The following UTP18 variants were observed in gnomAD, a reference collection of about 807,000 sequenced individuals.
The protein encoded by UTP18 is UTP18 small subunit processome component.
A neutral mutation model predicts 61.1 loss-of-function variants in UTP18; 36 were observed. That is an observed-to-expected ratio of 0.59 (90% CI 0.45 to 0.78). The LOEUF is 0.78. UTP18 is among the 30% of genes least tolerant of loss of function. The pLI is 0.00. For synonymous variants in UTP18, 282 were observed against 251.1 expected (o/e 1.12, Z -1.16); for missense variants, 753 against 693.9 (o/e 1.09, Z -0.96).
At chr17:51,274,168 T>C (rs1168448837) in intron 5 of UTP18, among the ~76,000 whole-genome samples, 3 of 152,190 alleles carry the variant, frequency 2.0e-5, no homozygotes, top group Non-Finnish European at 2.9e-5. Flanking sequence ...CCTTTGCTCT[T>C]TCTCTTTTGT....
In UTP18 at chr17:51,268,007, G is replaced by GTTTT. The variant is rs766635231; in HGVS notation, c.555-827_555-824dup. Among the ~76,000 whole-genome samples, 623 of 130,376 alleles carry GTTTT rather than the reference G, an allele frequency of 4.8e-3. 25 individuals carry two copies. The highest frequency in any genetic ancestry group is 0.017 in the African/African-American group (554 of 32,880). The allele number at this position is 130,376 out of a possible 152,430, so 85.5% of individuals were successfully genotyped here. A position where few individuals can be genotyped will look rare whatever the true frequency, so the allele number is the denominator to read the frequency against. Reference sequence around the variant, plus strand: ...ACCAGTTGTTGTTTTTTTGTTTTTTGTTTTTTGTTTTTTTTTTTTTGAGAT... The same window carrying GTTTT: ...ACCAGTTGTTGTTTTTTTGTTTTTTGTTTTTTTTTTGTTTTTTTTTTTTTGAGAT... On this transcript the variant is annotated intron_variant, in intron 3 of 13. Coordinates refer to ENST00000225298, the MANE Select transcript of UTP18 (RefSeq NM_016001.3).
intron 1 of UTP18, 21 bp from the exon 2 acceptor site, chr17:51,263,253 A>C (rs765472408): frequency 1.2e-6 from 2 of 1,603,338 alleles, no homozygotes; most frequent in East Asian, 4.5e-5. Context: ...TCAGTGCTTG[A>C]GGGTGTTTTG....
At chr17:51,277,335 T>C (rs1289481842) in intron 7 of UTP18, 31 bp downstream of exon 7, 1 of 1,609,034 alleles carries the variant, frequency 6.2e-7, no homozygotes, top group Admixed American at 1.7e-5. Context: ...ACACAACCAG[T>C]CATTCCCCCC....
Position 51,260,788 on chromosome 17 carries a change from A to G in UTP18, c.204A>G (p.Glu68=). 1.3e-6 allele frequency: 2 copies of G among 1,579,678 alleles called. No individual in the cohort carries two copies. The highest frequency in any genetic ancestry group is 8.6e-7 in the Non-Finnish European group (1 of 1,164,240). The change falls in exon 1 of 14, where the codon GAA becomes GAG. Residue 68 remains glutamate, a synonymous_variant. Coordinates refer to ENST00000225298, the MANE Select transcript of UTP18 (RefSeq NM_016001.3). Reference sequence around the variant, plus strand: ...CGATTGCAGTCGCGGCGGCGGAGGAAGAGAGACGGCTCCGGCAGCGGAACC... The same window carrying G: ...CGATTGCAGTCGCGGCGGCGGAGGAGGAGAGACGGCTCCGGCAGCGGAACC... ...AAAIAVAAAE[E]ERRLRQRNRL...
In UTP18 at chr17:51,273,333, G is replaced by C. The variant is rs752616093; in HGVS notation, c.623-29G>C. 4.5e-6 allele frequency: 7 copies of C among 1,566,948 alleles called. No individual in the cohort carries two copies. In the East Asian group the frequency reaches 1.4e-4, roughly 31 times the overall value. On this transcript the variant is annotated intron_variant, in intron 4 of 13. Coordinates refer to ENST00000225298, the MANE Select transcript of UTP18 (RefSeq NM_016001.3). ...AAAGGGGCAGCTCATTGATTCTAAAGATCAGCCTTCTGGGTTTGTTTGACT... is the reference window on the plus strand; with the variant it reads ...AAAGGGGCAGCTCATTGATTCTAAACATCAGCCTTCTGGGTTTGTTTGACT...
intron 5 of UTP18, among the ~76,000 whole-genome samples, chr17:51,275,529 T>A (rs1444216391): frequency 6.6e-6 from 1 of 152,200 alleles, no homozygotes; most frequent in Non-Finnish European, 1.5e-5. Flanking sequence ...GAAAGTCTCT[T>A]AACACAAATG....
At chr17:51,284,887 C>T (rs1341699949) in intron 9 of UTP18, among the ~76,000 whole-genome samples, 3 of 151,818 alleles carry the variant, frequency 2.0e-5, no homozygotes, top group Non-Finnish European at 4.4e-5. Context: ...ATGGTGAAAC[C>T]CTGTCTCTAC....
chr17:51,294,076 A>G (rs915660970), intron 12 of UTP18, 31 bp downstream of exon 12: 4 of 1,531,560 alleles, frequency 2.6e-6, no homozygotes, highest in African/African-American at 1.4e-5. Context: ...AAAGTCAGAG[A>G]TACCTATAAA....
At position 51,277,161 on chromosome 17, in the gene UTP18, G is replaced by A; in HGVS notation, c.869G>A (p.Ser290Asn). ...VDGKTNPKIQSIYLERFPIFK... is the reference protein window; with the variant it reads ...VDGKTNPKIQNIYLERFPIFK... ...GGGAAAACAAATCCTAAAATTCAGA[G>A]CATCTATTTGGAAAGGTTTCCAATC... Residue 290 changes from serine (S) to asparagine (N), a missense_variant, in exon 7 of 14, where the codon AGC (serine) becomes AAC (asparagine). By Grantham distance (46) the Ser-to-Asn change is conservative (BLOSUM62 1). Transcript: ENST00000225298. 1 of 1,614,002 alleles carries A rather than the reference G, an allele frequency of 6.2e-7. No individual in the cohort carries two copies. The highest frequency in any genetic ancestry group is 8.5e-7 in the Non-Finnish European group (1 of 1,179,968).
At chr17:51,281,721 TG>T (rs957415299) in intron 9 of UTP18, among the ~76,000 whole-genome samples, 2 of 152,094 alleles carry the variant, frequency 1.3e-5, no homozygotes, top group Admixed American at 6.5e-5. Context: ...ATGTTAACAT[TG>T]GGGGGGAACT....
At chr17:51,266,953 G>A (rs1036691088) in intron 3 of UTP18, among the ~76,000 whole-genome samples, 4 of 151,960 alleles carry the variant, frequency 2.6e-5, no homozygotes, top group Non-Finnish European at 5.9e-5. Context: ...CTATCTCCTG[G>A]GCTCCCCATA....
chr17:51,280,515 T>C, intron 9 of UTP18, 36 bp downstream of exon 9: 1 of 1,608,796 alleles, frequency 6.2e-7, no homozygotes, highest in Non-Finnish European at 8.5e-7. Context: ...AAGGATATTT[T>C]TACATTTTAA....
chr17:51,297,062 G>A (rs1380483852), intron 13 of UTP18, 59 bp downstream of exon 13: 3 of 1,420,816 alleles, frequency 2.1e-6, no homozygotes, highest in South Asian at 2.4e-5. Flanking sequence ...ATTGCTGTCA[G>A]TTGGTGGAAG....
At position 51,260,596 on chromosome 17, in the gene UTP18, G is replaced by A. The variant is rs762560099; in HGVS notation, c.12G>A (p.Glu4=). The A allele has an allele frequency of 6.2e-7, 1 of 1,612,446 alleles. No individual in the cohort carries two copies. Among genetic ancestry groups the A allele is most frequent in the African/African-American group, 1.3e-5 (1 of 74,994 alleles). The part of the protein sequence containing the change: MPP[E]RRRRMKLDRR... ...CCTCAAACCTAACGATGCCGCCGGA[G>A]CGGAGGAGACGAATGAAACTGGACC... The change falls in exon 1 of 14, where the codon GAG becomes GAA. Residue 4 remains glutamate, a synonymous_variant. Transcript: ENST00000225298.
intron 11 of UTP18, among the ~76,000 whole-genome samples, chr17:51,290,720 A>AT (rs1281546558): frequency 2.6e-5 from 4 of 151,950 alleles, no homozygotes; most frequent in African/African-American, 7.3e-5. Context: ...CAGCATTTAT[A>AT]TTTTTTTTAT....
chr17:51,288,621 A>G (rs953045996), intron 11 of UTP18: 4 of 456,192 alleles, frequency 8.8e-6, no homozygotes, highest in African/African-American at 2.0e-5. Flanking sequence ...TAAATTGTAT[A>G]AAAGTATTGT....
intron 7 of UTP18, 150 bp from the exon 8 acceptor site, chr17:51,279,855 C>G: frequency 1.6e-6 from 1 of 636,092 alleles, no homozygotes; most frequent in East Asian, 2.8e-5. Flanking sequence ...GTGATGCCTG[C>G]GTTTAGACTT....
intron 2 of UTP18, among the ~76,000 whole-genome samples, chr17:51,263,636 T>C (rs1337913670): frequency 1.3e-5 from 2 of 152,206 alleles, no homozygotes; most frequent in East Asian, 3.9e-4. Flanking sequence ...GTGTTTGAAG[T>C]CAGATCTCGA....
At chr17:51,269,053 G>A (rs1381415894) in intron 4 of UTP18, 149 bp downstream of exon 4, 10 of 701,184 alleles carry the variant, frequency 1.4e-5, no homozygotes, top group Non-Finnish European at 2.4e-5. Flanking sequence ...TTGGGAGCCC[G>A]AGGCGGGTGG....
Sources: allele counts gnomAD v4.1 joint callset (sites outside exome capture counted in the v4.1 genomes callset), GRCh38; gene constraint gnomAD v4.1.1; transcripts MANE v1.5; gene names NCBI Gene and HGNC (gene_info 2026-07-23, HGNC 2026-07-21).